BRPF1: variants seen among roughly 807,000 people sequenced by gnomAD.
The protein encoded by BRPF1 is peregrin.
Under a neutral mutation model 115.0 loss-of-function variants are expected in BRPF1, and 15 were observed. That is an observed-to-expected ratio of 0.13 (90% CI 0.09 to 0.20). BRPF1 has a LOEUF of 0.20. BRPF1 is among the 10% of genes least tolerant of loss of function. The probability of loss-of-function intolerance (pLI) is 1.00; values close to 1 mark genes in which losing one functional copy is unlikely to be tolerated. For synonymous variants in BRPF1, 647 were observed against 619.8 expected (o/e 1.04, Z -0.65); for missense variants, 1,118 against 1,638.3 (o/e 0.68, Z 5.48).
intron 1 of BRPF1, chr3:9,733,091 T>C (rs890159690): frequency 6.6e-6 from 1 of 152,252 alleles, no homozygotes; most frequent in African/African-American, 2.4e-5. Flanking sequence ...ACTCAGTTGA[T>C]GTGTGAGTGG....
rs1045662513 is a variant in BRPF1, at chr3:9,741,421, A to G, written c.1836A>G (p.Glu612=). 1.9e-6 allele frequency: 3 copies of G among 1,601,300 alleles called. No individual in the cohort carries two copies. The highest frequency in any genetic ancestry group is 2.7e-5 in the African/African-American group (2 of 74,402). The change falls in exon 5 of 14, where the codon GAA becomes GAG. Residue 612 remains glutamate (E), a synonymous_variant. Transcript: ENST00000383829. ...TCGTGGAATTGATCCGCAAGCGGGA[A>G]AAACTCAAAAGGGAGACGGTGAGTG... The part of the protein sequence containing the change: ...RLLVELIRKR[E]KLKRETIKVQ...
chr3:9,744,740 T>C (rs1175332088), intron 9 of BRPF1, among the ~76,000 whole-genome samples: 1 of 152,192 alleles, frequency 6.6e-6, no homozygotes, highest in Non-Finnish European at 1.5e-5. Context: ...TCACTTTACC[T>C]TTTCTCTTCT....
In BRPF1 at chr3:9,734,617, C is replaced by A. The variant is rs1176850541; in HGVS notation, c.477C>A (p.Asp159Glu). The A allele has an allele frequency of 6.2e-7, 1 of 1,614,074 alleles. No individual in the cohort carries two copies. Among genetic ancestry groups the A allele is most frequent in the Non-Finnish European group, 8.5e-7 (1 of 1,180,042 alleles). ...ATAAGAACAAGGAGAAGCGCAAGGA[C>A]TCCAACCATCACCACCACCACAATG... ...GKHKNKEKRK[D>E]SNHHHHHNVS... The change falls in exon 2 of 14, where the codon GAC (aspartate) becomes GAA (glutamate). Residue 159 changes from aspartate (D) to glutamate (E), a missense_variant. By Grantham distance (45) the Asp-to-Glu change is conservative. This residue lies in a region of BRPF1 where 280 missense variants were observed against 382.8 expected (regional missense o/e 0.73). Transcript: ENST00000383829. The surrounding 1 kb of genome is among the most constrained non-coding windows in gnomAD (Gnocchi z 5.7).
intron 2 of BRPF1, 90 bp from the exon 3 acceptor site, chr3:9,738,909 C>T: frequency 3.2e-6 from 4 of 1,257,168 alleles, no homozygotes; most frequent in Non-Finnish European, 4.4e-6. Flanking sequence ...GGCATAGGCA[C>T]AGAGTAAGTG....
chr3:9,739,136 A>G lies in BRPF1; in HGVS notation c.737A>G (p.Glu246Gly), dbSNP rs749554115. 1.2e-6 allele frequency: 2 copies of G among 1,613,966 alleles called. No homozygotes were observed. Among genetic ancestry groups the G allele is most frequent in the African/African-American group, 1.3e-5 (1 of 74,926 alleles). Residue 246 changes from glutamate to glycine, a missense_variant, in exon 3 of 14, where the codon GAG (glutamate) becomes GGG (glycine). Physicochemically the swap from Glu to Gly is moderately conservative, Grantham distance 98. Coordinates refer to ENST00000383829, the MANE Select transcript of BRPF1 (RefSeq NM_001003694.2). ...AGTCCCATCCCGCAGGAGATCTTTG[A>G]GTACCTAATGGACCGACTGGAGAAG... ...GVSPIPQEIFEYLMDRLEKES... is the reference protein window; with the variant it reads ...GVSPIPQEIFGYLMDRLEKES...
chr3:9,747,494 TC>T lies in BRPF1; in HGVS notation c.*147del. The T allele has an allele frequency of 1.1e-6, 1 of 950,846 alleles. No homozygotes were observed. The highest frequency in any genetic ancestry group is 1.6e-6 in the Non-Finnish European group (1 of 637,006). The allele number at this position is 950,846 out of a possible 1,614,324, so 58.9% of individuals were successfully genotyped here. ...GGGGAAGCTGGGTGGGGGAGGTCCC[TC>T]CTGCCCTAAGTGCAGCTGGACTGTA... On this transcript the variant is annotated 3_prime_UTR_variant, in exon 14 of 14. Coordinates refer to ENST00000383829, the MANE Select transcript of BRPF1 (RefSeq NM_001003694.2). This position sits in a 1 kb window ranked among gnomAD's most constrained non-coding sequence, Gnocchi z 5.6.
intron 9 of BRPF1, among the ~76,000 whole-genome samples, chr3:9,744,728 T>G (rs1370801428): frequency 6.6e-6 from 1 of 152,196 alleles, no homozygotes. Flanking sequence ...GCCTCCATTG[T>G]ATCACTTTAC....
In BRPF1 at chr3:9,747,562, G is replaced by A; in HGVS notation, c.*213G>A. ...CCAATGGCAGTTCAGCGCAAGGAGA[G>A]GGAGGGCCCACAGGTCAGAAAAAGC... is the stretch of plus-strand genomic sequence containing the variant. On this transcript the variant is annotated 3_prime_UTR_variant, in exon 14 of 14. Transcript: ENST00000383829. The surrounding 1 kb of genome is among the most constrained non-coding windows in gnomAD (Gnocchi z 5.6). 2.0e-6 allele frequency: 1 copy of A among 506,290 alleles called. No homozygotes were observed. The highest frequency in any genetic ancestry group is 3.0e-5 in the East Asian group (1 of 33,756). The allele number at this position is 506,290 out of a possible 1,614,324, so 31.4% of individuals were successfully genotyped here. A position where few individuals can be genotyped will look rare whatever the true frequency, so the allele number is the denominator to read the frequency against.
chr3:9,743,407 T>G lies in BRPF1; in HGVS notation c.2311+154T>G. 1 of 1,228,162 alleles carries G rather than the reference T, an allele frequency of 8.1e-7. No homozygotes were observed. The highest frequency in any genetic ancestry group is 1.1e-6 in the Non-Finnish European group (1 of 890,936). 76.1% of individuals were successfully genotyped at this position (1,228,162 alleles called of 1,614,324 possible). A position where few individuals can be genotyped will look rare whatever the true frequency, so the allele number is the denominator to read the frequency against. ...AGGAATGCTCCCCAAGAAGCCAGAC[T>G]GGGTGAATGGATAGCAGTGCCCGCC... On this transcript the variant is annotated intron_variant, in intron 7 of 13. Transcript: ENST00000383829. The surrounding 1 kb of genome is among the most constrained non-coding windows in gnomAD (Gnocchi z 6.1).
At chr3:9,732,895 C>T (rs955823133) in intron 1 of BRPF1, among the ~76,000 whole-genome samples, 3 of 152,094 alleles carry the variant, frequency 2.0e-5, no homozygotes, top group Non-Finnish European at 4.4e-5. Context: ...CTCAACTAGG[C>T]CGAGAGAAAT....
chr3:9,741,256 A>C, intron 4 of BRPF1, 52 bp from the exon 5 acceptor site: 3 of 1,522,484 alleles, frequency 2.0e-6, no homozygotes, highest in Non-Finnish European at 2.6e-6. Flanking sequence ...CTCCCTGTTG[A>C]CCTTTCCTCT....
intron 5 of BRPF1, 76 bp downstream of exon 5, chr3:9,741,515 T>A: frequency 7.1e-7 from 1 of 1,407,436 alleles, no homozygotes; most frequent in South Asian, 1.5e-5. Context: ...CAGGCGCCTG[T>A]AGTCCCAGCT....
At chr3:9,741,468 A>C (rs756726467) in intron 5 of BRPF1, 29 bp downstream of exon 5, 1 of 1,522,676 alleles carries the variant, frequency 6.6e-7, no homozygotes. Context: ...GCCCTATTTT[A>C]TAAAAGAAAA....
Position 9,740,953 on chromosome 3 carries a change from A to T in BRPF1, c.1722+12A>T. The T allele has an allele frequency of 6.2e-7, 1 of 1,607,432 alleles. No homozygotes were observed. The highest frequency in any genetic ancestry group is 8.5e-7 in the Non-Finnish European group (1 of 1,178,270). On this transcript the variant is annotated intron_variant, in intron 4 of 13. Transcript: ENST00000383829. The stretch of plus-strand genomic sequence containing the variant: ...GTGACCAAGTTGGGGTACTGTGTCC[A>T]GTTCCCTGTGGGCTCTGGGAACTAG...
In BRPF1 at chr3:9,743,487, G is replaced by T. The variant is rs545151912; in HGVS notation, c.2312-91G>T. The T allele has an allele frequency of 5.6e-6, 8 of 1,416,102 alleles. No homozygotes were observed. Among genetic ancestry groups the T allele is most frequent in the Non-Finnish European group, 7.7e-6 (8 of 1,033,542 alleles). 87.7% of individuals were successfully genotyped at this position (1,416,102 alleles called of 1,614,324 possible). On this transcript the variant is annotated intron_variant, in intron 7 of 13. Transcript: ENST00000383829. The surrounding 1 kb of genome is among the most constrained non-coding windows in gnomAD (Gnocchi z 6.1). ...GCTGTTCCTGGTGAGAAGCCCAGGG[G>T]GGATGAGTGGGTTTCTTGCTGCCTG...
intron 2 of BRPF1, among the ~76,000 whole-genome samples, chr3:9,736,013 T>A (rs1285588423): frequency 1.1e-4 from 7 of 62,402 alleles, no homozygotes; most frequent in South Asian, 7.3e-4. Flanking sequence ...CATTTTTTTT[T>A]TTTTTTTTTT....
chr3:9,747,389 TCTCTC>T lies in BRPF1; in HGVS notation c.*44_*48del. 1.4e-5 allele frequency: 22 copies of T among 1,597,946 alleles called. No homozygotes were observed. The highest frequency in any genetic ancestry group is 1.8e-5 in the Non-Finnish European group (21 of 1,168,392). ...GCCCAACCTATAGTGCCCTGTGACT[TCTCTC>T]CTCCCCTTTGCTCACTGTCCTGGAG... is the stretch of plus-strand genomic sequence containing the variant. On this transcript the variant is annotated 3_prime_UTR_variant, in exon 14 of 14. Transcript: ENST00000383829. The surrounding 1 kb of genome is among the most constrained non-coding windows in gnomAD (Gnocchi z 5.6).
intron 3 of BRPF1, 75 bp from the exon 4 acceptor site, chr3:9,740,704 A>T (rs138963007): frequency 6.4e-7 from 1 of 1,555,552 alleles, no homozygotes; most frequent in African/African-American, 1.4e-5. Context: ...AGGAACTTTC[A>T]CTGGCCAGAG....
intron 5 of BRPF1, 66 bp downstream of exon 5, chr3:9,741,505 C>A (rs1441187539): frequency 1.2e-5 from 18 of 1,460,430 alleles, no homozygotes; most frequent in Non-Finnish European, 1.6e-5. Flanking sequence ...GGCATGGTGG[C>A]AGGCGCCTGT....
Sources: allele counts gnomAD v4.1 joint callset (sites outside exome capture counted in the v4.1 genomes callset), GRCh38; gene constraint gnomAD v4.1.1; regional missense constraint gnomAD v4.1.1; non-coding constraint Gnocchi (gnomAD v3.1); transcripts MANE v1.5; gene names NCBI Gene and HGNC (gene_info 2026-07-23, HGNC 2026-07-21).